The following MORC1 variants were observed in gnomAD, a reference collection of about 807,000 sequenced individuals.
MORC1 encodes MORC family CW-type zinc finger 1.
Under a neutral mutation model 134.9 loss-of-function variants are expected in MORC1, and 59 were observed. The observed-to-expected ratio is 0.44, with a 90% CI of 0.35 to 0.54. The LOEUF is 0.54. Ranked by LOEUF, MORC1 falls within the 20% of genes least tolerant of loss-of-function variation. The pLI, the probability that MORC1 is intolerant of heterozygous loss-of-function variation, is 0.00. For missense variants in MORC1, 947 were observed against 1,134.5 expected, an observed-to-expected ratio of 0.83 and a Z score of 2.37; for synonymous variants, 395 against 391.7, an observed-to-expected ratio of 1.01 and a Z score of -0.10.
intron 20 of MORC1, among the ~76,000 whole-genome samples, chr3:109,003,818 T>C (rs948762277): frequency 3.9e-5 from 6 of 152,062 alleles, no homozygotes; most frequent in African/African-American, 1.4e-4. Context: ...CATAGGAAAA[T>C]GGACTTGAAA....
At chr3:109,051,751 G>A (rs971617258) in intron 14 of MORC1, among the ~76,000 whole-genome samples, 28 of 152,104 alleles carry the variant, frequency 1.8e-4, no homozygotes, top group African/African-American at 6.8e-4. Context: ...TAAGAAACAG[G>A]TAGATAGAAA....
intron 23 of MORC1, among the ~76,000 whole-genome samples, chr3:108,983,392 G>T (rs1467143949): frequency 1.3e-5 from 2 of 152,060 alleles, no homozygotes; most frequent in East Asian, 1.9e-4. Context: ...ATGGTAAAAA[G>T]AAATAGGTGG....
intron 20 of MORC1, among the ~76,000 whole-genome samples, chr3:109,002,373 T>C (rs560605290): frequency 2.0e-4 from 30 of 152,260 alleles, no homozygotes; most frequent in Non-Finnish European, 1.6e-4. Context: ...GCCTCCTCCA[T>C]CAGCCAATGT....
chr3:109,091,471 A>G (rs1017878385), intron 8 of MORC1, among the ~76,000 whole-genome samples: 1 of 151,386 alleles, frequency 6.6e-6, no homozygotes, highest in Non-Finnish European at 1.5e-5. Flanking sequence ...ATAAATAAAT[A>G]AATAAATAAA....
intron 7 of MORC1, among the ~76,000 whole-genome samples, chr3:109,094,294 G>A (rs549763254): frequency 1.3e-5 from 2 of 152,262 alleles, no homozygotes; most frequent in South Asian, 4.1e-4. Flanking sequence ...GTAATTAAGA[G>A]GACAACTAAT....
At chr3:108,979,842 T>C (rs1001190611) in intron 23 of MORC1, among the ~76,000 whole-genome samples, 175 bp from the exon 24 acceptor site, 9 of 152,210 alleles carry the variant, frequency 5.9e-5, no homozygotes, top group Non-Finnish European at 1.3e-4. Context: ...ATTAGAAGAA[T>C]TTATATTTAT....
intron 16 of MORC1, among the ~76,000 whole-genome samples, chr3:109,029,452 T>C (rs1209808142): frequency 6.6e-6 from 1 of 152,234 alleles, no homozygotes; most frequent in Non-Finnish European, 1.5e-5. Flanking sequence ...TGTTTGGAAA[T>C]GAATTACACT....
intron 14 of MORC1, among the ~76,000 whole-genome samples, chr3:109,052,360 G>A (rs1949849592): frequency 6.6e-6 from 1 of 152,164 alleles, no homozygotes; most frequent in East Asian, 1.9e-4. Flanking sequence ...AAATTTGATT[G>A]TGAATATAAA....
intron 17 of MORC1, among the ~76,000 whole-genome samples, chr3:109,016,787 C>T (rs1948825199): frequency 6.6e-6 from 1 of 152,094 alleles, no homozygotes; most frequent in Non-Finnish European, 1.5e-5. Context: ...TCGCTTAAAT[C>T]CTGGGAGGCG....
intron 11 of MORC1, 47 bp downstream of exon 11, chr3:109,061,941 T>A (rs751286199): frequency 6.5e-7 from 1 of 1,547,192 alleles, no homozygotes; most frequent in Non-Finnish European, 8.9e-7. Flanking sequence ...AAAAAGCAAA[T>A]GACACAATTT....
chr3:109,000,651 G>A lies in MORC1; in HGVS notation c.2093C>T (p.Ser698Phe). 2 of 1,608,584 alleles carry A rather than the reference G, an allele frequency of 1.2e-6. No individual in the cohort carries two copies. The highest frequency in any genetic ancestry group is 1.1e-5 in the South Asian group (1 of 90,162). Reference protein sequence around the residue: ...EGCLKNAQAASWEMKRKQSLN... With the variant: ...EGCLKNAQAAFWEMKRKQSLN... Reference sequence around the variant, plus strand: ...ACTCTGCTTCCTTTTCATTTCCCAAGAAGCGGCCTATAACAAGGAATTAAC... The same window carrying A: ...ACTCTGCTTCCTTTTCATTTCCCAAAAAGCGGCCTATAACAAGGAATTAAC... Residue 698 changes from serine (S) to phenylalanine (F), a missense_variant, in exon 21 of 28, where the codon TCT (serine) becomes TTT (phenylalanine). Ser to Phe is a radical substitution (Grantham distance 155). Coordinates refer to ENST00000232603, the MANE Select transcript of MORC1 (RefSeq NM_014429.4).
At position 109,062,001 on chromosome 3, in the gene MORC1, A is replaced by G. The variant is rs369753766; in HGVS notation, c.953T>C (p.Leu318Ser). ...TACATGTCGTACCTTGGCAGAAGATAAAGAGGTTCTGTCACACTGGTTTAC... is the reference window on the plus strand; with the variant it reads ...TACATGTCGTACCTTGGCAGAAGATGAAGAGGTTCTGTCACACTGGTTTAC... ...IKVNQCDRTS[L>S]SSAKDVLQRA... The change falls in exon 11 of 28, where the codon TTA (leucine) becomes TCA (serine). Residue 318 changes from leucine to serine, a missense_variant. Coordinates refer to ENST00000232603, the MANE Select transcript of MORC1 (RefSeq NM_014429.4). 1.9e-6 allele frequency: 3 copies of G among 1,613,884 alleles called. No homozygotes were observed. Among genetic ancestry groups the G allele is most frequent in the African/African-American group, 2.7e-5 (2 of 74,950 alleles).
chr3:109,061,960 A>G (rs1057183914), intron 11 of MORC1, 28 bp downstream of exon 11: 17 of 1,604,746 alleles, frequency 1.1e-5, no homozygotes, highest in Non-Finnish European at 1.4e-5. Context: ...TTGCCATTTA[A>G]TAAGACTACT....
At chr3:109,075,752 T>C (rs1222034950) in intron 8 of MORC1, among the ~76,000 whole-genome samples, 1 of 152,208 alleles carries the variant, frequency 6.6e-6, no homozygotes, top group African/African-American at 2.4e-5. Context: ...ATTGTTCTTT[T>C]TGCCTAGGAT....
intron 16 of MORC1, 108 bp from the exon 17 acceptor site, chr3:109,027,997 C>T: frequency 8.3e-7 from 1 of 1,198,348 alleles, no homozygotes; most frequent in Non-Finnish European, 1.1e-6. Context: ...TGTCATATAT[C>T]CAAAATTCAA....
chr3:108,968,775 T>G (rs1168880454), intron 26 of MORC1, among the ~76,000 whole-genome samples: 1 of 152,112 alleles, frequency 6.6e-6, no homozygotes, highest in Non-Finnish European at 1.5e-5. Flanking sequence ...GAGCTAGTGA[T>G]TAGGTGAGAA....
chr3:109,089,230 A>G (rs938612286), intron 8 of MORC1, among the ~76,000 whole-genome samples: 1 of 152,144 alleles, frequency 6.6e-6, no homozygotes, highest in African/African-American at 2.4e-5. Context: ...CTAAAAGAAA[A>G]GTAATGCTTA....
At chr3:109,059,942 AT>A in intron 11 of MORC1, 72 bp from the exon 12 acceptor site, 1 of 1,288,800 alleles carries the variant, frequency 7.8e-7, no homozygotes, top group Non-Finnish European at 1.1e-6. Flanking sequence ...ATATTATCCT[AT>A]TATCCAAATG....
Position 109,005,098 on chromosome 3 carries a change from T to A in MORC1, c.1985A>T (p.Glu662Val). Residue 662 changes from glutamate to valine, a missense_variant, in exon 19 of 28, where the codon GAA (glutamate) becomes GTA (valine). This residue lies in a region of MORC1 where 722 missense variants were observed against 817.0 expected (regional missense o/e 0.88). Coordinates refer to ENST00000232603, the MANE Select transcript of MORC1 (RefSeq NM_014429.4). ...QQQRIPVALP[E>V]NVKLAERSQR... ...GGATCTCTCAGCTAGTTTGACATTT[T>A]CTGGCAGAGCTACTGGAATTCTCTG... The A allele has an allele frequency of 6.2e-7, 1 of 1,611,872 alleles. No homozygotes were observed. The highest frequency in any genetic ancestry group is 8.5e-7 in the Non-Finnish European group (1 of 1,179,374).
Sources: gnomAD v4.1 joint callset for allele counts (sites outside exome capture counted in the v4.1 genomes callset) on GRCh38, gnomAD v4.1.1 for gene constraint, gnomAD v4.1.1 regional missense constraint, MANE v1.5 for transcripts, NCBI Gene and HGNC (gene_info 2026-07-23, HGNC 2026-07-21) for gene names.